DMD: variants seen among roughly 807,000 people sequenced by gnomAD.
DMD encodes mutant dystrophin.
In DMD, 63 loss-of-function variants were observed where a neutral mutation model predicts 330.1. The observed-to-expected ratio is 0.19, with a 90% CI of 0.16 to 0.24. DMD has a LOEUF of 0.24. DMD is among the 10% of genes least tolerant of loss of function. DMD has a pLI of 1.00. For missense variants in DMD, 3,344 were observed against 2,684.1 expected (o/e 1.25, Z -5.43); for synonymous variants, 1,223 against 959.8 (o/e 1.27, Z -5.07).
At chrX:33,011,145 T>C (rs1232037177) in intron 2 of DMD, among the ~76,000 whole-genome samples, 1 of 111,644 alleles carries the variant, frequency 9.0e-6, no homozygotes, top group Non-Finnish European at 1.9e-5. Flanking sequence ...CATGAAGCAT[T>C]AGTGGTGGTG....
intron 48 of DMD, among the ~76,000 whole-genome samples, chrX:31,869,105 C>T (rs752916818): frequency 5.0e-4 from 56 of 111,619 alleles, no homozygotes; most frequent in Non-Finnish European, 8.7e-4. Flanking sequence ...AGTACAGTAT[C>T]GTTAACTATA....
chrX:32,454,854 A>G (rs764952704), intron 25 of DMD, 22 bp from the exon 26 acceptor site: 2 of 1,199,237 alleles, frequency 1.7e-6, no homozygotes, highest in Admixed American at 2.2e-5. Context: ...CAAACAAACA[A>G]AACACGATTA....
At position 31,321,583 on chromosome X, in the gene DMD, C is replaced by CAAAAAAAAAAAAAAA. The variant is rs1190446358; in HGVS notation, c.9224+2000_9224+2014dup. ...TGGGCAACAGAGTGAAACTCCATCT[C>CAAAAAAAAAAAAAAA]AAAAAAAAAAAAAAAAAAAAAAAAA... On this transcript the variant is annotated intron_variant, in intron 62 of 78. Transcript: ENST00000357033. Among the ~76,000 whole-genome samples, 38 of 10,467 alleles carry CAAAAAAAAAAAAAAA rather than the reference C, an allele frequency of 3.6e-3. 1 individual carries two copies. Among genetic ancestry groups the CAAAAAAAAAAAAAAA allele is most frequent in the Non-Finnish European group, 4.9e-3 (33 of 6,751 alleles). 9.1% of individuals were successfully genotyped at this position (10,467 alleles called of 115,157 possible).
chrX:32,617,794 T>C (rs1284836056), intron 11 of DMD, among the ~76,000 whole-genome samples: 1 of 110,926 alleles, frequency 9.0e-6, no homozygotes, highest in Non-Finnish European at 1.9e-5. Context: ...AGATATCCAA[T>C]AGAATGAGAA....
chrX:32,032,847 G>T (rs2095896451), intron 44 of DMD, among the ~76,000 whole-genome samples: 1 of 111,794 alleles, frequency 8.9e-6, no homozygotes, highest in African/African-American at 3.2e-5. Context: ...CATGAGGTGA[G>T]TGGGAAAAAC....
At chrX:33,066,560 C>T (rs777487738) in intron 1 of DMD, among the ~76,000 whole-genome samples, 1 of 109,169 alleles carries the variant, frequency 9.2e-6, no homozygotes, top group African/African-American at 3.3e-5. Context: ...GAGCCCCCAA[C>T]GGTACCAGCA....
Position 32,573,915 on chromosome X carries a change from G to C in DMD, c.1603-69C>G. The C allele has an allele frequency of 3.1e-6, 3 of 953,868 alleles. No homozygotes were observed. The East Asian group carries it at 9.4e-5, about 30-fold the overall frequency. The allele number at this position is 953,868 out of a possible 1,213,427, so 78.6% of individuals were successfully genotyped here. On this transcript the variant is annotated intron_variant, in intron 13 of 78. Transcript: ENST00000357033. ...AACTACGTTTTATTAAAAATGGCAT[G>C]AATAATTTGCCAAAGTATCTCAGTC...
At chrX:33,240,726 G>A (rs2148889818) in intron 1 of DMD, among the ~76,000 whole-genome samples, 1 of 111,836 alleles carries the variant, frequency 8.9e-6, no homozygotes, top group African/African-American at 3.2e-5. Context: ...AGGAACACTT[G>A]TTATCTTTTG....
chrX:32,112,062 C>T (rs1222737090), intron 44 of DMD, among the ~76,000 whole-genome samples: 1 of 111,441 alleles, frequency 9.0e-6, no homozygotes, highest in African/African-American at 3.3e-5. Context: ...ATGCATTTAT[C>T]GAGCTTTAAT....
Position 32,375,231 on chromosome X carries a change from G to GA in DMD, c.4845+5278dup, listed in dbSNP as rs201533817. ...ATCATGCTTCAATGTAGATAATAAA[G>GA]AAAAAAAAAGCCACAGAAACATCCT... On this transcript the variant is annotated intron_variant, in intron 34 of 78. Transcript: ENST00000357033. 3.2e-3 allele frequency among the ~76,000 whole-genome samples: 345 copies of GA among 108,213 alleles called. 1 individual carries two copies. The highest frequency in any genetic ancestry group is 7.1e-3 in the Admixed American group (72 of 10,162). The allele number at this position is 108,213 out of a possible 115,157, so 94.0% of individuals were successfully genotyped here.
intron 51 of DMD, among the ~76,000 whole-genome samples, chrX:31,742,128 C>A (rs895578709): frequency 8.9e-6 from 1 of 112,283 alleles, no homozygotes; most frequent in Admixed American, 9.5e-5. Flanking sequence ...TTTAGATTAG[C>A]CTTTTGCTTA....
At chrX:31,409,213 A>G (rs2061535797) in intron 60 of DMD, among the ~76,000 whole-genome samples, 1 of 112,295 alleles carries the variant, frequency 8.9e-6, no homozygotes, top group Non-Finnish European at 1.9e-5. Context: ...ATCCAAGGAA[A>G]GGTATCTAGC....
intron 60 of DMD, among the ~76,000 whole-genome samples, chrX:31,418,032 A>T (rs1024809289): frequency 5.2e-5 from 5 of 96,315 alleles, no homozygotes; most frequent in East Asian, 3.2e-4. Flanking sequence ...GTAGAAAATT[A>T]AAAAAAAAAA....
At position 31,671,058 on chromosome X, in the gene DMD, G is replaced by C. The variant is rs188469482; in HGVS notation, c.7872+8317C>G. On this transcript the variant is annotated intron_variant, in intron 53 of 78. Coordinates refer to ENST00000357033, the MANE Select transcript of DMD (RefSeq NM_004006.3). ...CTCCTGAGTAGCTGGGACTACAGGC[G>C]CCCGCCACCGTGCCCAGCTAATTTT... Among the ~76,000 whole-genome samples the C allele has an allele frequency of 2.7e-5, 3 of 110,821 alleles. No individual in the cohort carries two copies. The South Asian group carries it at 1.1e-3, about 42-fold the overall frequency.
intron 52 of DMD, among the ~76,000 whole-genome samples, chrX:31,688,262 T>C (rs751741429): frequency 9.2e-6 from 1 of 109,057 alleles, no homozygotes; most frequent in East Asian, 2.9e-4. Context: ...ATCAAATAGA[T>C]GCAATAAAAA....
intron 2 of DMD, among the ~76,000 whole-genome samples, chrX:32,895,133 C>T (rs1289975496): frequency 8.9e-6 from 1 of 111,953 alleles, no homozygotes; most frequent in East Asian, 2.8e-4. Context: ...CCTGCATGTG[C>T]TTATCTTACC....
At chrX:32,014,504 C>T (rs1439535888) in intron 44 of DMD, among the ~76,000 whole-genome samples, 1 of 111,422 alleles carries the variant, frequency 9.0e-6, no homozygotes, top group Non-Finnish European at 1.9e-5. Flanking sequence ...TATTTTATTC[C>T]AACCATTATG....
In DMD at chrX:33,211,293, ACTT is replaced by A; in HGVS notation, c.17_19del (p.Glu6del). 2 of 1,209,429 alleles carry A rather than the reference ACTT, an allele frequency of 1.7e-6. No individual in the cohort carries two copies. The highest frequency in any genetic ancestry group is 2.2e-5 in the Admixed American group (1 of 45,738). ...TACTTTGTACTTACAACAGTCCTCT[ACTT>A]CTTCCCACCAAAGCATTTTGAAAAG... On this transcript the variant is annotated inframe_deletion, in exon 1 of 79. Transcript: ENST00000357033.
chrX:32,796,128 G>A (rs762656753), intron 7 of DMD, among the ~76,000 whole-genome samples: 32 of 111,156 alleles, frequency 2.9e-4, no homozygotes, highest in African/African-American at 1.0e-3. Context: ...TAAAGGGAAA[G>A]CAATCATATA....
Sources: gnomAD v4.1 joint callset for allele counts (sites outside exome capture counted in the v4.1 genomes callset) on GRCh38, gnomAD v4.1.1 for gene constraint, MANE v1.5 for transcripts, NCBI Gene and HGNC (gene_info 2026-07-23, HGNC 2026-07-21) for gene names.